Variants in CNTN1 observed in about 807,000 individuals in gnomAD.
CNTN1 encodes the protein contactin 1, also known as contactin-1.
In CNTN1, 38 loss-of-function variants were observed where a neutral mutation model predicts 126.4. That is an observed-to-expected ratio of 0.30 (90% CI 0.23 to 0.39). The LOEUF (loss-of-function observed/expected upper bound fraction) is 0.39. CNTN1 is among the 10% of genes least tolerant of loss of function. The pLI, the probability that CNTN1 is intolerant of heterozygous loss-of-function variation, is 1.00. For missense variants in CNTN1, 1,009 were observed against 1,248.4 expected, an observed-to-expected ratio of 0.81 and a Z score of 2.89; for synonymous variants, 413 against 422.6, an observed-to-expected ratio of 0.98 and a Z score of 0.28.
chr12:40,906,565 C>T (rs953363730), intron 1 of CNTN1, among the ~76,000 whole-genome samples: 3 of 151,746 alleles, frequency 2.0e-5, no homozygotes, highest in African/African-American at 7.3e-5. Context: ...TAGTATGGTG[C>T]AAGCAATCAG....
At chr12:40,738,633 A>G (rs1937802380) in intron 1 of CNTN1, among the ~76,000 whole-genome samples, 1 of 152,166 alleles carries the variant, frequency 6.6e-6, no homozygotes, top group South Asian at 2.1e-4. Flanking sequence ...TAACTCAGTA[A>G]CTGAGAGATA....
chr12:41,065,344 C>T (rs891894554), intron 23 of CNTN1, among the ~76,000 whole-genome samples: 2 of 152,134 alleles, frequency 1.3e-5, no homozygotes, highest in African/African-American at 4.8e-5. Context: ...CGTGAGCCAC[C>T]GCACCCGGCC....
chr12:40,848,460 TG>T (rs1388668885), intron 1 of CNTN1, among the ~76,000 whole-genome samples: 2 of 152,222 alleles, frequency 1.3e-5, no homozygotes, highest in African/African-American at 4.8e-5. Flanking sequence ...GAAGTATTAG[TG>T]TTTATATAAT....
chr12:40,933,494 T>C lies in CNTN1; in HGVS notation c.737T>C (p.Val246Ala), dbSNP rs1945969081. The C allele has an allele frequency of 1.2e-6, 2 of 1,611,536 alleles. No individual in the cohort carries two copies. Among genetic ancestry groups the C allele is most frequent in the East Asian group, 2.2e-5 (1 of 44,806 alleles). The change falls in exon 8 of 24, where the codon GTT becomes GCT. Residue 246 changes from valine to alanine, a missense_variant. By Grantham distance (64) the Val-to-Ala change is moderately conservative. Transcript: ENST00000551295. ...TTKPYPADIV[V>A]QFKDVYALMG... ...AAACCATATCCTGCTGATATTGTAG[T>C]TCAGTTCAAGGATGTATATGCATTG...
chr12:40,971,683 T>A, intron 15 of CNTN1: 4 of 1,419,862 alleles, frequency 2.8e-6, no homozygotes, highest in Non-Finnish European at 3.6e-6. Context: ...TAAATATTTT[T>A]TAAAATATAA....
chr12:40,755,114 C>CGGGAGTTTGGGATCAGCTAGGGAACA (rs1938547558), intron 1 of CNTN1, among the ~76,000 whole-genome samples: 1 of 141,066 alleles, frequency 7.1e-6, no homozygotes, highest in African/African-American at 2.7e-5. Flanking sequence ...TTGCTTGGGC[C>CGGGAGTTTGGGATCAGCTAGGGAACA]TAGGAAGTTG....
chr12:41,008,961 C>T (rs1447129997), intron 17 of CNTN1, among the ~76,000 whole-genome samples: 1 of 152,310 alleles, frequency 6.6e-6, no homozygotes, highest in East Asian at 1.9e-4. Context: ...TAAGAGCTAT[C>T]AGTTCAGCTG....
At chr12:41,042,074 C>A (rs981244070) in intron 23 of CNTN1, among the ~76,000 whole-genome samples, 4 of 152,096 alleles carry the variant, frequency 2.6e-5, no homozygotes, top group African/African-American at 9.7e-5. Context: ...TTTCCCCCTA[C>A]ACACTGCTTT....
chr12:40,923,787 A>G (rs1945534446), intron 5 of CNTN1, among the ~76,000 whole-genome samples: 1 of 152,192 alleles, frequency 6.6e-6, no homozygotes, highest in African/African-American at 2.4e-5. Context: ...AGTAGATTTG[A>G]AAAGTCCTCT....
rs182024512 is a variant in CNTN1, at chr12:40,748,833, G to A, written c.-77+56241G>A. 4.7e-4 allele frequency among the ~76,000 whole-genome samples: 71 copies of A among 152,180 alleles called. 1 individual carries two copies. The highest frequency in any genetic ancestry group is 1.7e-3 in the African/African-American group (69 of 41,556). On this transcript the variant is annotated intron_variant, in intron 1 of 23. Transcript: ENST00000551295. The stretch of plus-strand genomic sequence containing the variant: ...AATGGGATAAAGTCAAAGAAATAAA[G>A]CTGTAGAAACAATTTAGTGGAAGAG...
intron 1 of CNTN1, among the ~76,000 whole-genome samples, chr12:40,814,395 A>G (rs1371941213): frequency 6.6e-6 from 1 of 152,230 alleles, no homozygotes; most frequent in African/African-American, 2.4e-5. Flanking sequence ...GACGGAGTCC[A>G]GTTCCATTTT....
intron 17 of CNTN1, among the ~76,000 whole-genome samples, chr12:41,010,623 T>A (rs574711723): frequency 2.0e-5 from 3 of 152,340 alleles, no homozygotes; most frequent in African/African-American, 7.2e-5. Flanking sequence ...GCCTTTTTAA[T>A]AAACTTGTCC....
intron 1 of CNTN1, among the ~76,000 whole-genome samples, chr12:40,804,517 C>A (rs1210665271): frequency 6.6e-6 from 1 of 151,932 alleles, no homozygotes; most frequent in Non-Finnish European, 1.5e-5. Context: ...TTGCCTGACC[C>A]CGTATTAGAC....
intron 15 of CNTN1, chr12:40,971,557 A>T: frequency 6.4e-7 from 1 of 1,568,406 alleles, no homozygotes; most frequent in Non-Finnish European, 8.6e-7. Flanking sequence ...TTTTTTTTTA[A>T]CATATTATAC....
intron 2 of CNTN1, among the ~76,000 whole-genome samples, chr12:40,909,590 G>A (rs886090123): frequency 2.6e-5 from 4 of 151,452 alleles, no homozygotes; most frequent in African/African-American, 7.3e-5. Context: ...ATTTTATTTT[G>A]GGGAATAATT....
intron 1 of CNTN1, among the ~76,000 whole-genome samples, chr12:40,721,058 T>C: frequency 6.6e-6 from 1 of 152,026 alleles, no homozygotes; most frequent in East Asian, 1.9e-4. Flanking sequence ...GTGTAAAATA[T>C]AAAGTGAAAT....
intron 1 of CNTN1, among the ~76,000 whole-genome samples, chr12:40,698,307 C>A (rs941028717): frequency 4.2e-5 from 6 of 142,204 alleles, no homozygotes; most frequent in African/African-American, 1.6e-4. Context: ...GTGATCTCAG[C>A]TCACTGCAAG....
intron 1 of CNTN1, among the ~76,000 whole-genome samples, chr12:40,780,712 C>T (rs962439004): frequency 1.3e-5 from 2 of 148,952 alleles, no homozygotes; most frequent in African/African-American, 2.5e-5. Context: ...AACACCAATC[C>T]TCATTTCAAG....
intron 1 of CNTN1, among the ~76,000 whole-genome samples, chr12:40,784,342 A>G (rs531019571): frequency 2.6e-5 from 4 of 152,220 alleles, no homozygotes; most frequent in Middle Eastern, 3.4e-3. Context: ...ATGCATTAAG[A>G]AATTGAGTGG....
Sources: gnomAD v4.1 joint callset for allele counts (sites outside exome capture counted in the v4.1 genomes callset) on GRCh38, gnomAD v4.1.1 for gene constraint, MANE v1.5 for transcripts, NCBI Gene and HGNC (gene_info 2026-07-23, HGNC 2026-07-21) for gene names.